ZNF76: variants seen among roughly 807,000 people sequenced by gnomAD.
ZNF76 encodes zinc finger protein 523.
A neutral mutation model predicts 66.9 loss-of-function variants in ZNF76; 66 were observed. The observed-to-expected ratio is 0.99, with a 90% CI of 0.81 to 1.21. The LOEUF is 1.21. Among genes scored for constraint, ZNF76 ranks in the 50% most tolerant of loss-of-function variants. The probability of loss-of-function intolerance (pLI) is 0.00; values close to 1 mark genes in which losing one functional copy is unlikely to be tolerated. For synonymous variants in ZNF76, 275 were observed against 296.1 expected (o/e 0.93, Z 0.73); for missense variants, 729 against 760.3 (o/e 0.96, Z 0.48).
At position 35,292,955 on chromosome 6, in the gene ZNF76, A is replaced by G. The variant is rs1050724257; in HGVS notation, c.1240A>G (p.Arg414Gly). 5 of 1,614,056 alleles carry G rather than the reference A, an allele frequency of 3.1e-6. No homozygotes were observed. The African/African-American group carries it at 6.7e-5, about 22-fold the overall frequency. Residue 414 changes from arginine (R) to glycine (G), a missense_variant, in exon 11 of 14, where the codon AGA becomes GGA. Transcript: ENST00000373953. This position sits in a 1 kb window ranked among gnomAD's most constrained non-coding sequence, Gnocchi z 4.7. Reference sequence around the variant, plus strand: ...TTACCTTTCGGAGGTGAAGGAAGAGAGAGATGACATCCCAGCCCAGGTGGC... The same window carrying G: ...TTACCTTTCGGAGGTGAAGGAAGAGGGAGATGACATCCCAGCCCAGGTGGC... ...IAYLSEVKEE[R>G]DDIPAQVAMV...
chr6:35,265,580 G>A (rs1474922450), intron 1 of ZNF76, among the ~76,000 whole-genome samples: 1 of 151,948 alleles, frequency 6.6e-6, no homozygotes, highest in East Asian at 1.9e-4. Flanking sequence ...AAATAGGGTA[G>A]TTGAAGAGGT....
chr6:35,290,824 C>A, intron 7 of ZNF76, 108 bp downstream of exon 7: 1 of 1,033,742 alleles, frequency 9.7e-7, no homozygotes, highest in African/African-American at 1.6e-5. Context: ...GAGAAACTAC[C>A]GTCAGAGTAC....
rs772391463 is a variant in ZNF76, at chr6:35,293,850, G to T, written c.1429G>T (p.Asp477Tyr). 1.2e-6 allele frequency: 2 copies of T among 1,614,088 alleles called. No homozygotes were observed. The stretch of plus-strand genomic sequence containing the variant: ...CCTCACCATCCCCAGTCCTGATGCC[G>T]ACCTGGCCACATCTGGCACACATAC... ...TTLTIPSPDA[D>Y]LATSGTHTVT... Residue 477 changes from aspartate to tyrosine, a missense_variant, in exon 12 of 14, where the codon GAC becomes TAC. By Grantham distance (160) the Asp-to-Tyr change is radical. Transcript: ENST00000373953.
At chr6:35,260,036 CCCCCGTGACTCCCAAACCTCA>C (rs1453021445) in intron 1 of ZNF76, among the ~76,000 whole-genome samples, 195 bp downstream of exon 1, 1 of 151,616 alleles carries the variant, frequency 6.6e-6, no homozygotes, top group African/African-American at 2.4e-5. Flanking sequence ...TGCGGCTCCT[CCCCCGTGACTCCCAAACCTCA>C]CCCCGTGACG....
At chr6:35,271,205 C>T (rs546022744) in intron 1 of ZNF76, among the ~76,000 whole-genome samples, 3 of 150,170 alleles carry the variant, frequency 2.0e-5, no homozygotes, top group South Asian at 2.1e-4. Flanking sequence ...GTCCATCTAC[C>T]TGTAGACTAG....
At chr6:35,275,527 A>G (rs1787762300) in intron 1 of ZNF76, among the ~76,000 whole-genome samples, 2 of 152,126 alleles carry the variant, frequency 1.3e-5, no homozygotes, top group Non-Finnish European at 2.9e-5. Context: ...GTAAACCATC[A>G]TTGAAAGAAA....
chr6:35,286,088 C>T, intron 2 of ZNF76, 40 bp from the exon 3 acceptor site: 1 of 1,598,652 alleles, frequency 6.3e-7, no homozygotes. Context: ...TAGCCCTCTT[C>T]TGGTCCTGGC....
At chr6:35,263,972 A>G (rs1785616611) in intron 1 of ZNF76, among the ~76,000 whole-genome samples, 1 of 152,144 alleles carries the variant, frequency 6.6e-6, no homozygotes. Context: ...ACTGATCTCT[A>G]ACTCCTGACC....
At chr6:35,293,182 G>A (rs1790685598) in intron 11 of ZNF76, 138 bp downstream of exon 11, 4 of 1,037,634 alleles carry the variant, frequency 3.9e-6, no homozygotes, top group Non-Finnish European at 4.1e-6. Flanking sequence ...CAGAGGCTGA[G>A]GCTGAGGAGA....
At chr6:35,286,031 G>A (rs746975218) in intron 2 of ZNF76, 97 bp from the exon 3 acceptor site, 61 of 1,110,486 alleles carry the variant, frequency 5.5e-5, no homozygotes, top group Non-Finnish European at 7.8e-5. Flanking sequence ...GCAGGCTCGT[G>A]CCTAGAGACT....
Position 35,293,036 on chromosome 6 carries a change from G to A in ZNF76, c.1321G>A (p.Ala441Thr), listed in dbSNP as rs776885588. Residue 441 changes from alanine to threonine, a missense_variant, in exon 11 of 14, where the codon GCC becomes ACC. Coordinates refer to ENST00000373953, the MANE Select transcript of ZNF76 (RefSeq NM_003427.5). Reference protein sequence around the residue: ...PQVALITQDGAQQVSLSPEDL... With the variant: ...PQVALITQDGTQQVSLSPEDL... Reference sequence around the variant, plus strand: ...GGTGGCTCTGATCACTCAGGATGGTGCCCAGCAGGTACAGGCCCTGGAGGG... The same window carrying A: ...GGTGGCTCTGATCACTCAGGATGGTACCCAGCAGGTACAGGCCCTGGAGGG... 1.3e-5 allele frequency: 21 copies of A among 1,613,986 alleles called. No homozygotes were observed. Among genetic ancestry groups the A allele is most frequent in the Non-Finnish European group, 1.6e-5 (19 of 1,179,968 alleles).
chr6:35,290,427 C>A, intron 6 of ZNF76, 45 bp downstream of exon 6: 1 of 1,604,734 alleles, frequency 6.2e-7, no homozygotes, highest in Non-Finnish European at 8.5e-7. Flanking sequence ...GTCTTCCCTC[C>A]CAGGCTGTAA....
At chr6:35,295,046 G>C in intron 13 of ZNF76, 98 bp from the exon 14 acceptor site, 1 of 865,224 alleles carries the variant, frequency 1.2e-6, no homozygotes, top group Non-Finnish European at 1.8e-6. Flanking sequence ...GGTAGATGGG[G>C]GAGAGTCAAA....
chr6:35,292,263 C>G lies in ZNF76; in HGVS notation c.932-291C>G, dbSNP rs1790503837. On this transcript the variant is annotated intron_variant, in intron 9 of 13. Coordinates refer to ENST00000373953, the MANE Select transcript of ZNF76 (RefSeq NM_003427.5). This position sits in a 1 kb window ranked among gnomAD's most constrained non-coding sequence, Gnocchi z 4.7. The stretch of plus-strand genomic sequence containing the variant: ...GCTGTTCACCATTCTCAACCTCCCA[C>G]CCTCAACCTTATAAGCCCCAGTGCC... 1 of 506,522 alleles carries G rather than the reference C, an allele frequency of 2.0e-6. No homozygotes were observed. Among genetic ancestry groups the G allele is most frequent in the Non-Finnish European group, 3.6e-6 (1 of 276,068 alleles). 31.4% of individuals were successfully genotyped at this position (506,522 alleles called of 1,614,324 possible).
rs926612357 is a variant in ZNF76, at chr6:35,265,389, C to T, written c.-97+5548C>T. On this transcript the variant is annotated intron_variant, in intron 1 of 13. Coordinates refer to ENST00000373953, the MANE Select transcript of ZNF76 (RefSeq NM_003427.5). Reference sequence around the variant, plus strand: ...AGGCGTGGTGGCAGGCACCTGTAATCCCAGCTACTCGGGAGGCTGAGGCAC... The same window carrying T: ...AGGCGTGGTGGCAGGCACCTGTAATTCCAGCTACTCGGGAGGCTGAGGCAC... Among the ~76,000 whole-genome samples the T allele has an allele frequency of 3.3e-5, 5 of 152,006 alleles. No homozygotes were observed. In the East Asian group the frequency reaches 5.8e-4, roughly 18 times the overall value.
rs769817759 is a variant in ZNF76, at chr6:35,290,641, G to C, written c.550G>C (p.Val184Leu). The C allele has an allele frequency of 3.7e-6, 6 of 1,613,988 alleles. No individual in the cohort carries two copies. Among genetic ancestry groups the C allele is most frequent in the Non-Finnish European group, 5.1e-6 (6 of 1,179,982 alleles). The change falls in exon 7 of 14, where the codon GTG becomes CTG. Residue 184 changes from valine to leucine, a missense_variant and splice_region_variant. By Grantham distance (32) the Val-to-Leu change is conservative (BLOSUM62 1). Coordinates refer to ENST00000373953, the MANE Select transcript of ZNF76 (RefSeq NM_003427.5). ...RLYTTAHHLKVHERAHTGDRP... is the reference protein window; with the variant it reads ...RLYTTAHHLKLHERAHTGDRP... ...ATTATGTGATTGCTTGTCCTCACAG[G>C]TGCATGAACGAGCTCATACAGGTGA...
chr6:35,288,922 G>A (rs1789983632), intron 5 of ZNF76, among the ~76,000 whole-genome samples: 1 of 136,002 alleles, frequency 7.4e-6, no homozygotes, highest in African/African-American at 2.8e-5. Context: ...CTGCACTCCA[G>A]CCTGGGCAAC....
chr6:35,280,931 T>C, intron 1 of ZNF76, 125 bp from the exon 2 acceptor site: 1 of 569,996 alleles, frequency 1.8e-6, no homozygotes, highest in South Asian at 2.1e-5. Context: ...CCAATATAGT[T>C]CACTACTTTG....
intron 1 of ZNF76, among the ~76,000 whole-genome samples, chr6:35,272,981 C>T (rs1787332705): frequency 6.6e-6 from 1 of 152,054 alleles, no homozygotes; most frequent in Non-Finnish European, 1.5e-5. Flanking sequence ...TGGCGAAACC[C>T]TGTCTGTACT....
Sources: allele counts gnomAD v4.1 joint callset (sites outside exome capture counted in the v4.1 genomes callset), GRCh38; gene constraint gnomAD v4.1.1; non-coding constraint Gnocchi (gnomAD v3.1); transcripts MANE v1.5; gene names NCBI Gene and HGNC (gene_info 2026-07-23, HGNC 2026-07-21).